Variants in GON4L observed in about 807,000 individuals in gnomAD.
The protein encoded by GON4L is gon-4 like, also known as GON-4-like protein.
In GON4L, 87 loss-of-function variants were observed where a neutral mutation model predicts 211.8. The observed-to-expected ratio is 0.41, with a 90% CI of 0.35 to 0.49. The LOEUF (loss-of-function observed/expected upper bound fraction) is 0.49, where lower values mean the gene tolerates loss of function less well. GON4L is among the 20% of genes least tolerant of loss of function. The probability of loss-of-function intolerance (pLI) is 0.15; values close to 1 mark genes in which losing one functional copy is unlikely to be tolerated. For missense variants in GON4L, 2,155 were observed against 2,659.5 expected (o/e 0.81, Z 4.17); for synonymous variants, 875 against 962.6 (o/e 0.91, Z 1.68).
At chr1:155,758,327 A>G (rs1472550775) in intron 24 of GON4L, among the ~76,000 whole-genome samples, 1 of 152,230 alleles carries the variant, frequency 6.6e-6, no homozygotes, top group Non-Finnish European at 1.5e-5. Context: ...CAAAATTCAT[A>G]TGATACTTTA....
At chr1:155,798,968 T>C (rs921463917) in intron 11 of GON4L, among the ~76,000 whole-genome samples, 18 of 152,166 alleles carry the variant, frequency 1.2e-4, no homozygotes, top group African/African-American at 4.1e-4. Flanking sequence ...TTGTGGAATA[T>C]GTCCTCTGAG....
At chr1:155,849,413 G>A (rs1367045874) in intron 2 of GON4L, among the ~76,000 whole-genome samples, 14 of 151,584 alleles carry the variant, frequency 9.2e-5, no homozygotes, top group South Asian at 2.1e-4. Flanking sequence ...GCGTGGTGGC[G>A]GGCGCCTGTA....
intron 14 of GON4L, among the ~76,000 whole-genome samples, chr1:155,782,362 CTA>C (rs1418187481): frequency 6.6e-6 from 1 of 152,168 alleles, no homozygotes; most frequent in South Asian, 2.1e-4. Context: ...TGTACCTTTT[CTA>C]TGTTTACATA....
At chr1:155,835,569 C>G (rs1043372643) in intron 2 of GON4L, among the ~76,000 whole-genome samples, 3 of 152,080 alleles carry the variant, frequency 2.0e-5, no homozygotes, top group Non-Finnish European at 4.4e-5. Context: ...GTTGGCCACC[C>G]CCTAGGTGCT....
At chr1:155,810,841 T>G (rs1183296751) in intron 10 of GON4L, among the ~76,000 whole-genome samples, 3 of 151,614 alleles carry the variant, frequency 2.0e-5, no homozygotes, top group Non-Finnish European at 4.4e-5. Context: ...AATAAAACCC[T>G]GTCTCTACTA....
chr1:155,812,617 G>A (rs560315179), intron 10 of GON4L, among the ~76,000 whole-genome samples: 24 of 151,098 alleles, frequency 1.6e-4, no homozygotes, highest in Admixed American at 1.5e-3. Context: ...GTGCAGTGGC[G>A]CAATCTCAGC....
At chr1:155,750,843 A>G in intron 31 of GON4L, 110 bp from the exon 32 acceptor site, 1 of 1,025,150 alleles carries the variant, frequency 9.8e-7, no homozygotes, top group Non-Finnish European at 1.5e-6. Context: ...AGCTTACTGC[A>G]ACCTCCGTCT....
intron 16 of GON4L, 86 bp downstream of exon 16, chr1:155,776,309 A>G: frequency 2.1e-6 from 2 of 954,590 alleles, no homozygotes; most frequent in Non-Finnish European, 3.4e-6. Flanking sequence ...ATAAATATAG[A>G]TTATGATCAG....
chr1:155,814,476 A>G (rs890843218), intron 8 of GON4L, 27 bp from the exon 9 acceptor site: 3 of 1,610,530 alleles, frequency 1.9e-6, no homozygotes, highest in Non-Finnish European at 2.5e-6. Flanking sequence ...GTTCGCCTTA[A>G]TATTTATGCC....
chr1:155,812,647 C>A (rs754954285), intron 10 of GON4L, among the ~76,000 whole-genome samples: 12 of 151,820 alleles, frequency 7.9e-5, no homozygotes, highest in Non-Finnish European at 1.5e-4. Flanking sequence ...CCTCTGCCTC[C>A]CGGGTTCAAG....
chr1:155,781,494 T>C (rs1214886332), intron 14 of GON4L, among the ~76,000 whole-genome samples: 1 of 151,892 alleles, frequency 6.6e-6, no homozygotes, highest in East Asian at 1.9e-4. Context: ...ATGGAGTCTT[T>C]TTCTCTCTCT....
At chr1:155,848,161 T>C (rs1671434014) in intron 2 of GON4L, among the ~76,000 whole-genome samples, 1 of 152,226 alleles carries the variant, frequency 6.6e-6, no homozygotes, top group African/African-American at 2.4e-5. Flanking sequence ...GCTGCTCTAA[T>C]AAACTTGCTT....
chr1:155,748,968 C>T (rs1660359370), downstream of GON4L, among the ~76,000 whole-genome samples: 1 of 152,086 alleles, frequency 6.6e-6, no homozygotes, highest in South Asian at 2.1e-4. Context: ...TCTTAAGTTT[C>T]TTGGGCTAGG....
At chr1:155,797,239 C>T (rs999909439) in intron 11 of GON4L, among the ~76,000 whole-genome samples, 3 of 151,934 alleles carry the variant, frequency 2.0e-5, no homozygotes, top group South Asian at 2.1e-4. Context: ...CTCAGCATCC[C>T]GAGTAGCTGG....
At chr1:155,834,742 C>A (rs946749028) in intron 2 of GON4L, among the ~76,000 whole-genome samples, 19 of 152,188 alleles carry the variant, frequency 1.2e-4, no homozygotes, top group African/African-American at 4.6e-4. Context: ...CAGATGTTAC[C>A]TTATATGGTT....
intron 2 of GON4L, chr1:155,831,624 T>TTAAA (rs1231788056): frequency 1.3e-5 from 2 of 151,772 alleles, no homozygotes; most frequent in Non-Finnish European, 2.9e-5. Flanking sequence ...ACCTCACCTG[T>TTAAA]TAAACAAACA....
downstream of GON4L, chr1:155,748,334 C>T (rs138213415): frequency 1.5e-5 from 23 of 1,488,792 alleles, 1 homozygote; most frequent in South Asian, 1.7e-4. Flanking sequence ...CTGGTGTTAA[C>T]ATTCTGCCTC....
intron 1 of GON4L, among the ~76,000 whole-genome samples, chr1:155,855,049 A>G (rs1672149695): frequency 6.6e-6 from 1 of 152,144 alleles, no homozygotes; most frequent in Admixed American, 6.5e-5. Context: ...AAAAAAAAAA[A>G]AAGGTTAGGC....
chr1:155,819,414 C>T (rs1268160812), intron 6 of GON4L, among the ~76,000 whole-genome samples: 2 of 152,092 alleles, frequency 1.3e-5, no homozygotes, highest in African/African-American at 4.8e-5. Flanking sequence ...TACACCAATT[C>T]CTTTTCTTGC....
Sources: allele counts gnomAD v4.1 joint callset (sites outside exome capture counted in the v4.1 genomes callset), GRCh38; gene constraint gnomAD v4.1.1; transcripts MANE v1.5; gene names NCBI Gene and HGNC (gene_info 2026-07-23, HGNC 2026-07-21).